ARL13B: variants seen among roughly 807,000 people sequenced by gnomAD.
ARL13B encodes the protein ARF like GTPase 13B, also known as ADP-ribosylation factor-like protein 13B.
In ARL13B, 36 loss-of-function variants were observed where a neutral mutation model predicts 56.1. That is an observed-to-expected ratio of 0.64 (90% CI 0.49 to 0.85). The LOEUF (loss-of-function observed/expected upper bound fraction) is 0.85. Among genes scored for constraint, ARL13B ranks in the 40% least tolerant of loss-of-function variants. The probability of loss-of-function intolerance (pLI) is 0.00; values close to 1 mark genes in which losing one functional copy is unlikely to be tolerated. For missense variants in ARL13B, 519 were observed against 507.1 expected, an observed-to-expected ratio of 1.02 and a Z score of -0.23; for synonymous variants, 178 against 171.1, an observed-to-expected ratio of 1.04 and a Z score of -0.32.
At chr3:94,039,778 T>G in intron 5 of ARL13B, 102 bp from the exon 6 acceptor site, 2 of 991,164 alleles carry the variant, frequency 2.0e-6, no homozygotes, top group Admixed American at 2.2e-5. Context: ...GTCCAGATGT[T>G]TAAATTACTA....
In ARL13B at chr3:94,014,619, C is replaced by T. The variant is rs1374970476; in HGVS notation, c.380+10711C>T. On this transcript the variant is annotated intron_variant, in intron 3 of 9. Transcript: ENST00000394222. Reference sequence around the variant, plus strand: ...TTTGGTTCTCCAAATTAACAAGTTCCTTGTGTCTCTGTTCAATCTCTGAAA... The same window carrying T: ...TTTGGTTCTCCAAATTAACAAGTTCTTTGTGTCTCTGTTCAATCTCTGAAA... 4 of 1,613,286 alleles carry T rather than the reference C, an allele frequency of 2.5e-6. No homozygotes were observed. The African/African-American group carries it at 5.3e-5, about 22-fold the overall frequency.
chr3:94,034,127 G>A (rs1032136700), intron 3 of ARL13B, among the ~76,000 whole-genome samples: 2 of 152,090 alleles, frequency 1.3e-5, no homozygotes, highest in African/African-American at 4.8e-5. Flanking sequence ...TGTTAGGTGT[G>A]ATAGTGGTAT....
rs995128589 is a variant in ARL13B at position 94,035,218 on chromosome 3, CAG to C, written c.381-110_381-109del. The C allele has an allele frequency of 5.7e-6, 4 of 704,766 alleles. No individual in the cohort carries two copies. In the African/African-American group the frequency reaches 6.3e-5, roughly 11 times the overall value. The allele number at this position is 704,766 out of a possible 1,614,324, so 43.7% of individuals were successfully genotyped here. A position where few individuals can be genotyped will look rare whatever the true frequency, so the allele number is the denominator to read the frequency against. On this transcript the variant is annotated intron_variant, in intron 3 of 9. Coordinates refer to ENST00000394222, the MANE Select transcript of ARL13B (RefSeq NM_001174150.2). ...CACCACTGTACTCCAGCCTGGGAAACAGAGCAAGACTCAGTCTCAAAAAAAAA... is the reference window on the plus strand; with the variant it reads ...CACCACTGTACTCCAGCCTGGGAAACAGCAAGACTCAGTCTCAAAAAAAAA...
intron 9 of ARL13B, among the ~76,000 whole-genome samples, chr3:94,052,753 T>C (rs1376577461): frequency 6.6e-6 from 1 of 152,168 alleles, no homozygotes; most frequent in African/African-American, 2.4e-5. Flanking sequence ...TATTTGGTGC[T>C]TAGAAAAACA....
chr3:94,043,735 G>T lies in ARL13B; in HGVS notation c.1024+495G>T, dbSNP rs191977408. Among the ~76,000 whole-genome samples the T allele has an allele frequency of 1.0e-2, 1,204 of 120,454 alleles. 7 individuals are homozygous for T. Among genetic ancestry groups the T allele is most frequent in the Non-Finnish European group, 0.015 (916 of 59,378 alleles). The allele number at this position is 120,454 out of a possible 152,430, so 79.0% of individuals were successfully genotyped here. On this transcript the variant is annotated intron_variant, in intron 7 of 9. Coordinates refer to ENST00000394222, the MANE Select transcript of ARL13B (RefSeq NM_001174150.2). ...TGTACTGCCATGATCTCGGCTCACT[G>T]CAACCTCCCTGCCTCGGGCTCCTGT...
intron 2 of ARL13B, 52 bp downstream of exon 2, chr3:93,995,996 T>C: frequency 6.5e-7 from 1 of 1,546,332 alleles, no homozygotes; most frequent in African/African-American, 1.4e-5. Context: ...TTATTCTGAA[T>C]TATTTATTTT....
At chr3:93,995,628 G>C (rs2075953324) in intron 1 of ARL13B, among the ~76,000 whole-genome samples, 1 of 151,946 alleles carries the variant, frequency 6.6e-6, no homozygotes, top group Non-Finnish European at 1.5e-5. Flanking sequence ...CTGTCCTTTG[G>C]ATTATCTATT....
At chr3:94,015,155 C>T in intron 3 of ARL13B, 1 of 1,613,984 alleles carries the variant, frequency 6.2e-7, no homozygotes, top group South Asian at 1.1e-5. Context: ...TCATAAATAA[C>T]AGCTTGCTGT....
chr3:94,055,271 T>G lies in ARL13B; in HGVS notation c.*2008T>G. The G allele has an allele frequency of 2.4e-6, 1 of 416,040 alleles. No individual in the cohort carries two copies. The highest frequency in any genetic ancestry group is 1.8e-5 in the South Asian group (1 of 55,210). The allele number at this position is 416,040 out of a possible 1,614,324, so 25.8% of individuals were successfully genotyped here. A position where few individuals can be genotyped will look rare whatever the true frequency, so the allele number is the denominator to read the frequency against. On this transcript the variant is annotated 3_prime_UTR_variant, in exon 10 of 10. Coordinates refer to ENST00000394222, the MANE Select transcript of ARL13B (RefSeq NM_001174150.2). ...GACATTTTCACACAATAAAAATAAT[T>G]TATATCAATATTCTGTTTCTCTTTT...
chr3:94,019,847 G>A (rs1235355174), intron 3 of ARL13B, among the ~76,000 whole-genome samples: 1 of 152,142 alleles, frequency 6.6e-6, no homozygotes, highest in African/African-American at 2.4e-5. Flanking sequence ...TTAGGGCCTT[G>A]GCACTTGCCT....
At chr3:93,996,319 A>T (rs2075964259) in intron 2 of ARL13B, among the ~76,000 whole-genome samples, 1 of 152,200 alleles carries the variant, frequency 6.6e-6, no homozygotes, top group Non-Finnish European at 1.5e-5. Context: ...CTATGCTTAG[A>T]TGAAAGAGAG....
chr3:94,018,794 C>T (rs2076386957), intron 3 of ARL13B, among the ~76,000 whole-genome samples: 1 of 152,166 alleles, frequency 6.6e-6, no homozygotes, highest in African/African-American at 2.4e-5. Context: ...GAGACCGAGT[C>T]TCACTCTGTC....
intron 2 of ARL13B, among the ~76,000 whole-genome samples, chr3:93,999,862 C>T (rs189264753): frequency 1.6e-4 from 24 of 152,280 alleles, no homozygotes; most frequent in African/African-American, 4.8e-4. Context: ...CTCATAACAG[C>T]CTAAGCAAAA....
chr3:94,018,368 A>T (rs1019195533), intron 3 of ARL13B, among the ~76,000 whole-genome samples: 6 of 152,188 alleles, frequency 3.9e-5, no homozygotes, highest in African/African-American at 1.4e-4. Flanking sequence ...ATTTTAACCC[A>T]TCAGCACTTA....
At chr3:93,986,889 G>A (rs1377028688) in intron 1 of ARL13B, among the ~76,000 whole-genome samples, 1 of 152,110 alleles carries the variant, frequency 6.6e-6, no homozygotes, top group Non-Finnish European at 1.5e-5. Context: ...AGAATTGCTT[G>A]CACCCAGGAG....
At chr3:94,001,989 G>C (rs1199658907) in intron 2 of ARL13B, among the ~76,000 whole-genome samples, 2 of 152,124 alleles carry the variant, frequency 1.3e-5, no homozygotes, top group African/African-American at 4.8e-5. Flanking sequence ...ATGACTTGTA[G>C]TGGCTCTTAA....
At chr3:94,036,459 A>G (rs1003230687) in intron 4 of ARL13B, 93 bp from the exon 5 acceptor site, 8 of 1,324,876 alleles carry the variant, frequency 6.0e-6, no homozygotes, top group African/African-American at 4.4e-5. Context: ...TAAATGGCTT[A>G]ATTTTGATTT....
At chr3:94,051,104 A>G (rs577683358) in intron 9 of ARL13B, among the ~76,000 whole-genome samples, 1 of 152,126 alleles carries the variant, frequency 6.6e-6, no homozygotes, top group Non-Finnish European at 1.5e-5. Context: ...TGTTTACCTT[A>G]GAATACAGAG....
At chr3:94,043,332 G>A (rs1053921996) in intron 7 of ARL13B, 92 bp downstream of exon 7, 59 of 1,145,256 alleles carry the variant, frequency 5.2e-5, no homozygotes, top group Non-Finnish European at 7.1e-5. Context: ...TTTTACAAAC[G>A]AGTACTTCAA....
Sources: gnomAD v4.1 joint callset for allele counts (sites outside exome capture counted in the v4.1 genomes callset) on GRCh38, gnomAD v4.1.1 for gene constraint, MANE v1.5 for transcripts, NCBI Gene and HGNC (gene_info 2026-07-23, HGNC 2026-07-21) for gene names.